BEST1: variants seen among roughly 807,000 people sequenced by gnomAD.
The protein encoded by BEST1 is bestrophin 1.
In BEST1, 58 loss-of-function variants were observed where a neutral mutation model predicts 63.3. The observed-to-expected ratio is 0.92, with a 90% CI of 0.74 to 1.14. The LOEUF (loss-of-function observed/expected upper bound fraction) is 1.14, where lower values mean the gene tolerates loss of function less well. BEST1 is among the 50% of genes most tolerant of loss of function. The pLI is 0.00. For missense variants in BEST1, 671 were observed against 740.1 expected, an observed-to-expected ratio of 0.91 and a Z score of 1.08; for synonymous variants, 283 against 291.6, an observed-to-expected ratio of 0.97 and a Z score of 0.30.
At chr11:61,963,364 C>T in intron 10 of BEST1, 2 of 1,276,744 alleles carry the variant, frequency 1.6e-6, no homozygotes, top group Non-Finnish European at 2.0e-6. Context: ...CAGGAACTGC[C>T]TCACTCCTAG....
intron 1 of BEST1, among the ~76,000 whole-genome samples, 196 bp downstream of exon 1, chr11:61,950,623 C>A (rs1033076869): frequency 6.6e-6 from 1 of 152,234 alleles, no homozygotes; most frequent in Non-Finnish European, 1.5e-5. Flanking sequence ...GCCAGTGTGG[C>A]TGCAGCAAAA....
intron 3 of BEST1, 92 bp from the exon 4 acceptor site, chr11:61,955,626 G>A: frequency 7.3e-7 from 1 of 1,374,282 alleles, no homozygotes; most frequent in South Asian, 1.3e-5. Context: ...GCAGCAGAAA[G>A]CTGGAGGAGC....
intron 3 of BEST1, 73 bp downstream of exon 3, chr11:61,955,274 G>A (rs1221528424): frequency 2.5e-6 from 4 of 1,608,700 alleles, no homozygotes; most frequent in East Asian, 2.2e-5. Flanking sequence ...GGAGGATCAC[G>A]AGGAGCTGCG....
chr11:61,955,495 T>A, intron 3 of BEST1: 1 of 1,162,456 alleles, frequency 8.6e-7, no homozygotes, highest in Non-Finnish European at 1.2e-6. Flanking sequence ...GGCGGATTTC[T>A]GGGACCAGCA....
intron 4 of BEST1, 88 bp downstream of exon 4, chr11:61,956,039 A>T: frequency 7.7e-7 from 1 of 1,304,306 alleles, no homozygotes; most frequent in South Asian, 1.4e-5. Context: ...GTGGAGCCAA[A>T]GTCCCCCGGA....
intron 3 of BEST1, 81 bp from the exon 4 acceptor site, chr11:61,955,637 C>T (rs1402090841): frequency 1.4e-6 from 2 of 1,419,320 alleles, no homozygotes; most frequent in Non-Finnish European, 1.9e-6. Context: ...CTGGAGGAGC[C>T]GAGGCATCGC....
rs1418313930 is a variant in BEST1 at position 61,957,448 on chromosome 11, C to T, written c.698C>T (p.Pro233Leu). ...TATGCCTACGACTGGATTAGTATCC[C>T]ACTGGTGTATACACAGGTGAGGACT... Reference protein sequence around the residue: ...HLYAYDWISIPLVYTQVVTVA... With the variant: ...HLYAYDWISILLVYTQVVTVA... The change falls in exon 6 of 11, where the codon CCA becomes CTA. Residue 233 changes from proline (P) to leucine (L), a missense_variant. Physicochemically the swap from Pro to Leu is moderately conservative, Grantham distance 98 (BLOSUM62 -3). Transcript: ENST00000378043. The T allele has an allele frequency of 6.2e-7, 1 of 1,614,020 alleles. No individual in the cohort carries two copies. The highest frequency in any genetic ancestry group is 2.2e-5 in the East Asian group (1 of 44,894).
At chr11:61,964,530 T>G, downstream of BEST1, 1 of 674,240 alleles carries the variant, frequency 1.5e-6, no homozygotes, top group African/African-American at 1.8e-5. Context: ...CCTGGATAGA[T>G]TTCTGATTCA....
chr11:61,955,021 C>T lies in BEST1; in HGVS notation c.153-86C>T, dbSNP rs1941122856. On this transcript the variant is annotated intron_variant, in intron 2 of 10. Coordinates refer to ENST00000378043, the MANE Select transcript of BEST1 (RefSeq NM_004183.4). ...GGATAGCATCGAGGCAGTCCCACTC[C>T]TACCCAGGGCCGGGCTAGACCTGGG... 5.1e-6 allele frequency: 8 copies of T among 1,582,558 alleles called. No homozygotes were observed. The South Asian group carries it at 9.1e-5, about 18-fold the overall frequency.
At position 61,962,386 on chromosome 11, in the gene BEST1, A is replaced by G; in HGVS notation, c.1232A>G (p.Lys411Arg). Residue 411 changes from lysine to arginine, a missense_variant, in exon 10 of 11, where the codon AAA (lysine) becomes AGA (arginine). By Grantham distance (26) the Lys-to-Arg change is conservative (BLOSUM62 2). Transcript: ENST00000378043. ...CCTCCCAGGGCAAACTCAAGGACCA[A>G]ACTACTGTGGCCCAAGAGGGAATCC... ...HHPPRANSRT[K>R]LLWPKRESLL... is the part of the protein sequence containing the mutation. 6.2e-7 allele frequency: 1 copy of G among 1,614,184 alleles called. No homozygotes were observed. Among genetic ancestry groups the G allele is most frequent in the Non-Finnish European group, 8.5e-7 (1 of 1,180,030 alleles).
In BEST1 at chr11:61,958,025, C is replaced by T. The variant is rs1941579832; in HGVS notation, c.715-121C>T. 7 of 1,516,694 alleles carry T rather than the reference C, an allele frequency of 4.6e-6. No homozygotes were observed. The African/African-American group carries it at 5.5e-5, about 12-fold the overall frequency. 94.0% of individuals were successfully genotyped at this position (1,516,694 alleles called of 1,614,324 possible). On this transcript the variant is annotated intron_variant, in intron 6 of 10. Coordinates refer to ENST00000378043, the MANE Select transcript of BEST1 (RefSeq NM_004183.4). The stretch of plus-strand genomic sequence containing the variant: ...AGGGGTTAACAGAGCCCCTAAGTCA[C>T]ATAAGTGTGCAAGTCAGAACAAGGC...
At position 61,957,408 on chromosome 11, in the gene BEST1, CAG is replaced by C; in HGVS notation, c.659_660del (p.Gln220LeufsTer11). The C allele has an allele frequency of 6.2e-7, 1 of 1,614,080 alleles. No individual in the cohort carries two copies. Among genetic ancestry groups the C allele is most frequent in the Non-Finnish European group, 8.5e-7 (1 of 1,179,954 alleles). On this transcript the variant is annotated frameshift_variant, in exon 6 of 11. Coordinates refer to ENST00000378043, the MANE Select transcript of BEST1 (RefSeq NM_004183.4). LOFTEE classifies it high-confidence loss of function. ...CCAGGAGATGAACACCTTGCGTACT[CAG>C]TGTGGACACCTGTATGCCTACGACT... ...LLNEMNTLRT[Q>X]CGHLYAYDWI...
intron 6 of BEST1, 62 bp downstream of exon 6, chr11:61,957,526 C>A: frequency 6.5e-7 from 1 of 1,532,178 alleles, no homozygotes; most frequent in East Asian, 2.3e-5. Flanking sequence ...ACCAAGGAAG[C>A]AGCTGGGGTG....
rs112769638 is a variant in BEST1, at chr11:61,951,197, A to ATTATTTATTTATTTAT, written c.-36-563_-36-548dup. Among the ~76,000 whole-genome samples the ATTATTTATTTATTTAT allele has an allele frequency of 3.8e-3, 575 of 151,512 alleles. 2 individuals carry two copies. The highest frequency in any genetic ancestry group is 0.014 in the African/African-American group (556 of 40,962). On this transcript the variant is annotated intron_variant, in intron 1 of 10. Coordinates refer to ENST00000378043, the MANE Select transcript of BEST1 (RefSeq NM_004183.4). ...CTGCTGTTACTGCCTTTGTCATTGT[A>ATTATTTATTTATTTAT]TTATTTATTTATTTATTTATTTATT...
chr11:61,959,964 C>T lies in BEST1; in HGVS notation c.1021C>T (p.Pro341Ser), dbSNP rs1309217452. The T allele has an allele frequency of 6.2e-7, 1 of 1,612,462 alleles. No individual in the cohort carries two copies. Among genetic ancestry groups the T allele is most frequent in the Non-Finnish European group, 8.5e-7 (1 of 1,179,396 alleles). The change falls in exon 9 of 11, where the codon CCC (proline) becomes TCC (serine). Residue 341 changes from proline (P) to serine (S), a missense_variant. Coordinates refer to ENST00000378043, the MANE Select transcript of BEST1 (RefSeq NM_004183.4). ...GGAGCCGGACATGTACTGGAATAAG[C>T]CCGAGCCACAGCCCCCCTACACAGC... ...RMEPDMYWNKPEPQPPYTAAS... is the reference protein window; with the variant it reads ...RMEPDMYWNKSEPQPPYTAAS...
Position 61,960,117 on chromosome 11 carries a change from A to T in BEST1, c.1100+74A>T. On this transcript the variant is annotated intron_variant, in intron 9 of 10. Transcript: ENST00000378043. ...GGTCTGCCTAGGAACTTAGAATAGC[A>T]CTAGTTAATGCATACAGGTTGCTTC... is the stretch of plus-strand genomic sequence containing the variant. 5 of 1,551,992 alleles carry T rather than the reference A, an allele frequency of 3.2e-6. No homozygotes were observed. In the Admixed American group the frequency reaches 9.4e-5, roughly 29 times the overall value.
At position 61,955,892 on chromosome 11, in the gene BEST1, G is replaced by T; in HGVS notation, c.422G>T (p.Arg141Leu). ...AACCTGGGCAACGTGCTCATCCTGC[G>T]CAGCGTCAGCACCGCAGTCTACAAG... The part of the protein sequence containing the change: ...YANLGNVLIL[R>L]SVSTAVYKRF... The change falls in exon 4 of 11, where the codon CGC (arginine) becomes CTC (leucine). Residue 141 changes from arginine (R) to leucine (L), a missense_variant. Transcript: ENST00000378043. 1 of 1,550,476 alleles carries T rather than the reference G, an allele frequency of 6.4e-7. No homozygotes were observed. The highest frequency in any genetic ancestry group is 8.7e-7 in the Non-Finnish European group (1 of 1,146,926).
intron 2 of BEST1, among the ~76,000 whole-genome samples, chr11:61,953,057 C>T (rs998706334): frequency 2.0e-5 from 3 of 152,068 alleles, no homozygotes; most frequent in Non-Finnish European, 4.4e-5. Flanking sequence ...GAGCTATGAT[C>T]ACACCACTGC....
chr11:61,955,253 G>C (rs555125015), intron 3 of BEST1, 52 bp downstream of exon 3: 1 of 1,583,146 alleles, frequency 6.3e-7, no homozygotes, highest in East Asian at 2.4e-5. Context: ...CCAGGCTCCA[G>C]ACAGGCCAGG....
Sources: allele counts gnomAD v4.1 joint callset (sites outside exome capture counted in the v4.1 genomes callset), GRCh38; gene constraint gnomAD v4.1.1; transcripts MANE v1.5; gene names NCBI Gene and HGNC (gene_info 2026-07-23, HGNC 2026-07-21).